NR2F1-AS1: variants seen among roughly 807,000 people sequenced by gnomAD.
NR2F1-AS1 encodes NR2F1 regulatory antisense RNA 1.
intron 4 of NR2F1-AS1, among the ~76,000 whole-genome samples, chr5:93,436,263 C>T (rs1561435471): frequency 6.6e-6 from 1 of 152,156 alleles, no homozygotes; most frequent in Non-Finnish European, 1.5e-5. Context: ...TACCCACAGG[C>T]TTTACAAATA....
chr5:93,577,199 GAGAAGTGCTT>G (rs1381591721), intron 1 of NR2F1-AS1, among the ~76,000 whole-genome samples: 1 of 152,246 alleles, frequency 6.6e-6, no homozygotes, highest in African/African-American at 2.4e-5. Context: ...AGGCCAAAAG[GAGAAGTGCTT>G]CCCTTATCTC....
intron 4 of NR2F1-AS1, among the ~76,000 whole-genome samples, chr5:93,460,326 C>T (rs969779258): frequency 1.8e-4 from 28 of 152,258 alleles, no homozygotes; most frequent in Admixed American, 6.5e-5. Context: ...CCAGACCCCA[C>T]GCAGCACCGG....
chr5:93,534,224 C>T (rs554808838), intron 4 of NR2F1-AS1, among the ~76,000 whole-genome samples: 1 of 152,156 alleles, frequency 6.6e-6, no homozygotes, highest in South Asian at 2.1e-4. Context: ...CACGATTACC[C>T]TGTGAGGTAA....
intron 4 of NR2F1-AS1, among the ~76,000 whole-genome samples, chr5:93,474,478 T>C (rs763719532): frequency 2.0e-5 from 3 of 152,172 alleles, no homozygotes; most frequent in Admixed American, 6.5e-5. Context: ...CAGAATACCA[T>C]AGGCTAGATG....
intron 4 of NR2F1-AS1, among the ~76,000 whole-genome samples, chr5:93,512,344 A>C (rs1344881781): frequency 2.6e-5 from 4 of 152,176 alleles, no homozygotes; most frequent in African/African-American, 9.6e-5. Flanking sequence ...GCAGCTGTAC[A>C]ATGTGTTTAT....
At chr5:93,519,915 G>A (rs1001933522) in intron 4 of NR2F1-AS1, among the ~76,000 whole-genome samples, 1 of 151,948 alleles carries the variant, frequency 6.6e-6, no homozygotes, top group Non-Finnish European at 1.5e-5. Flanking sequence ...TGATGACTCA[G>A]TATAAACTGA....
chr5:93,583,747 GGAAAA>G (rs1270720799), upstream of NR2F1-AS1: 2 of 152,108 alleles, frequency 1.3e-5, no homozygotes, highest in African/African-American at 4.8e-5. Context: ...GCAAGAAAGA[GGAAAA>G]GAAGAGGATT....
intron 4 of NR2F1-AS1, among the ~76,000 whole-genome samples, chr5:93,433,532 G>T (rs900420349): frequency 1.3e-5 from 2 of 152,176 alleles, no homozygotes; most frequent in Non-Finnish European, 1.5e-5. Context: ...GATATGTTCT[G>T]AGAAATGCAT....
chr5:93,480,596 A>G (rs1462322181), intron 4 of NR2F1-AS1, among the ~76,000 whole-genome samples: 1 of 152,154 alleles, frequency 6.6e-6, no homozygotes, highest in Non-Finnish European at 1.5e-5. Context: ...GGTAAATGTA[A>G]AACCTAGTAT....
At chr5:93,569,665 TAA>T (rs1752698726) in intron 1 of NR2F1-AS1, among the ~76,000 whole-genome samples, 1 of 152,178 alleles carries the variant, frequency 6.6e-6, no homozygotes, top group Non-Finnish European at 1.5e-5. Context: ...GAAGGCACTA[TAA>T]AAGTTTCCAC....
rs571563947 is a variant in NR2F1-AS1 at position 93,447,034 on chromosome 5, T to C, written n.639-51492A>G. 5.3e-5 allele frequency among the ~76,000 whole-genome samples: 8 copies of C among 152,022 alleles called. No homozygotes were observed. In the South Asian group the frequency reaches 1.0e-3, roughly 20 times the overall value. ...GCTGAAACTGGATCCCTTCCTTACA[T>C]CTTATACAAAAATTAATTCAAGATG... On this transcript the variant is annotated intron_variant and non_coding_transcript_variant, in intron 4 of 5. Coordinates refer to ENST00000660523, the Ensembl canonical transcript of NR2F1-AS1.
In NR2F1-AS1 at chr5:93,504,688, T is replaced by C. The variant is rs571368982; in HGVS notation, n.638+49073A>G. On this transcript the variant is annotated intron_variant and non_coding_transcript_variant, in intron 4 of 5. Transcript: ENST00000660523. Reference sequence around the variant, plus strand: ...AGAGAAAATGAGGAAGAAGCAAAAGTGGAAACCCCTGATAAACCCATCAGA... The same window carrying C: ...AGAGAAAATGAGGAAGAAGCAAAAGCGGAAACCCCTGATAAACCCATCAGA... Among the ~76,000 whole-genome samples the C allele has an allele frequency of 3.9e-5, 6 of 152,062 alleles. No homozygotes were observed. The South Asian group carries it at 1.0e-3, about 26-fold the overall frequency.
chr5:93,456,066 T>G (rs1009065820), intron 4 of NR2F1-AS1, among the ~76,000 whole-genome samples: 2 of 152,106 alleles, frequency 1.3e-5, no homozygotes. Flanking sequence ...CTATTCAACA[T>G]TGTACTGGAA....
intron 2 of NR2F1-AS1, among the ~76,000 whole-genome samples, chr5:93,560,540 C>A (rs1219887616): frequency 6.6e-6 from 1 of 152,160 alleles, no homozygotes; most frequent in Admixed American, 6.5e-5. Flanking sequence ...TAAGCTTTAG[C>A]CAGTCCAGAA....
At chr5:93,431,949 T>C (rs1749334622) in intron 4 of NR2F1-AS1, among the ~76,000 whole-genome samples, 1 of 152,182 alleles carries the variant, frequency 6.6e-6, no homozygotes, top group Non-Finnish European at 1.5e-5. Flanking sequence ...ATGAGTAATT[T>C]TTCTGATCTT....
At chr5:93,560,467 G>T (rs972213447) in intron 2 of NR2F1-AS1, among the ~76,000 whole-genome samples, 1 of 152,188 alleles carries the variant, frequency 6.6e-6, no homozygotes, top group Admixed American at 6.5e-5. Flanking sequence ...CTTTGTCGTT[G>T]ACATTAGTTG....
At chr5:93,499,162 A>ATTAATTTGT (rs1239089328) in intron 4 of NR2F1-AS1, among the ~76,000 whole-genome samples, 1 of 152,214 alleles carries the variant, frequency 6.6e-6, no homozygotes, top group African/African-American at 2.4e-5. Flanking sequence ...TTTAATTATA[A>ATTAATTTGT]GATACATCCT....
At chr5:93,490,003 C>T (rs1038527050) in intron 4 of NR2F1-AS1, among the ~76,000 whole-genome samples, 2 of 152,178 alleles carry the variant, frequency 1.3e-5, no homozygotes, top group African/African-American at 4.8e-5. Context: ...TGGATGAGGA[C>T]CTGTGAAATG....
At chr5:93,565,024 T>G (rs1752584024) in intron 1 of NR2F1-AS1, among the ~76,000 whole-genome samples, 1 of 152,062 alleles carries the variant, frequency 6.6e-6, no homozygotes, top group East Asian at 1.9e-4. Context: ...AAAATCTGTT[T>G]CTCTATTCTC....
Sources: gnomAD v4.1 joint callset for allele counts (sites outside exome capture counted in the v4.1 genomes callset) on GRCh38, gnomAD v4.1.1 for gene constraint, MANE v1.5 for transcripts, NCBI Gene and HGNC (gene_info 2026-07-23, HGNC 2026-07-21) for gene names.